Variants in SEC13 observed in about 807,000 individuals in gnomAD.
The protein encoded by SEC13 is protein SEC13 homolog.
SEC13 carries 25 observed loss-of-function variants against 49.2 expected under a neutral mutation model. The ratio of observed to expected loss-of-function variants is 0.51; its 90% confidence interval spans 0.37 to 0.71. SEC13 has a LOEUF of 0.71. SEC13 is among the 30% of genes least tolerant of loss of function. The probability of loss-of-function intolerance (pLI) is 0.00; values close to 1 mark genes in which losing one functional copy is unlikely to be tolerated. For synonymous variants in SEC13, 148 were observed against 163.9 expected, an observed-to-expected ratio of 0.90 and a Z score of 0.74; for missense variants, 383 against 417.6, an observed-to-expected ratio of 0.92 and a Z score of 0.72.
intron 1 of SEC13, among the ~76,000 whole-genome samples, chr3:10,319,819 GAAA>G (rs1559503376): frequency 4.0e-5 from 1 of 24,770 alleles, no homozygotes; most frequent in Non-Finnish European, 8.5e-5. Context: ...GGGGGGGGAG[GAAA>G]GAGGGAGGGG....
Position 10,305,614 on chromosome 3 carries a change from T to G in SEC13, c.529A>C (p.Asn177His). 1 of 1,614,148 alleles carries G rather than the reference T, an allele frequency of 6.2e-7. No homozygotes were observed. The highest frequency in any genetic ancestry group is 1.1e-5 in the South Asian group (1 of 91,082). The change falls in exon 6 of 9, where the codon AAT becomes CAT. Residue 177 changes from asparagine to histidine, a missense_variant. Coordinates refer to ENST00000350697, the MANE Select transcript of SEC13 (RefSeq NM_183352.3). ...LIDHPSGQKP[N>H]YIKRFASGGC... is the part of the protein sequence containing the mutation. ...CCTGATGCAAACCTCTTGATGTAAT[T>G]GGGTTTCTGCCCCGATGGGTGGTCT...
At chr3:10,311,844 C>G (rs1477609383) in intron 5 of SEC13, 121 bp downstream of exon 5, 32 of 1,587,934 alleles carry the variant, frequency 2.0e-5, no homozygotes, top group Non-Finnish European at 2.7e-5. Flanking sequence ...GTCTGGTCAG[C>G]TGACCACTCC....
chr3:10,320,772 G>A (rs1219953536), intron 1 of SEC13: 3 of 1,317,748 alleles, frequency 2.3e-6, no homozygotes, highest in Admixed American at 3.8e-5. Flanking sequence ...GCTGTTCCTC[G>A]TTTTGTTTTC....
At chr3:10,302,352 C>CA (rs1365978850) in intron 8 of SEC13, among the ~76,000 whole-genome samples, 7 of 152,356 alleles carry the variant, frequency 4.6e-5, no homozygotes, top group African/African-American at 1.7e-4. Flanking sequence ...ACAAACTATT[C>CA]ACTCAACACA....
rs150900659 is a variant in SEC13 at position 10,307,478 on chromosome 3, T to G, written c.451-1786A>C. 3.9e-5 allele frequency among the ~76,000 whole-genome samples: 6 copies of G among 152,258 alleles called. No homozygotes were observed. The East Asian group carries it at 1.2e-3, about 29-fold the overall frequency. On this transcript the variant is annotated intron_variant, in intron 5 of 8. Coordinates refer to ENST00000350697, the MANE Select transcript of SEC13 (RefSeq NM_183352.3). ...GTTTACAAAAAAAAGAGAGGTTTAA[T>G]GGACTTACAGCTCCATGTAGCTGGG... is the stretch of plus-strand genomic sequence containing the variant.
At chr3:10,319,285 T>A in intron 1 of SEC13, 1 of 1,597,896 alleles carries the variant, frequency 6.3e-7, no homozygotes, top group Non-Finnish European at 8.5e-7. Flanking sequence ...CTCATCAGAT[T>A]CTAGACTCTC....
At chr3:10,320,950 G>A in intron 1 of SEC13, 100 bp downstream of exon 1, 1 of 1,565,606 alleles carries the variant, frequency 6.4e-7, no homozygotes. Flanking sequence ...GGAGCTGAAC[G>A]GCTCCAGCTT....
intron 6 of SEC13, 162 bp downstream of exon 6, chr3:10,305,397 T>C: frequency 1.9e-6 from 2 of 1,075,890 alleles, no homozygotes; most frequent in Non-Finnish European, 2.7e-6. Context: ...AGGTGTTGTG[T>C]TGTTTTTCAA....
intron 5 of SEC13, among the ~76,000 whole-genome samples, chr3:10,306,934 C>T (rs573946451): frequency 2.4e-4 from 37 of 152,168 alleles, no homozygotes; most frequent in Admixed American, 7.9e-4. Context: ...TTGCCAGCAG[C>T]GAGAAAACAG....
intron 5 of SEC13, among the ~76,000 whole-genome samples, chr3:10,308,521 T>C (rs539000652): frequency 2.6e-4 from 39 of 152,370 alleles, no homozygotes; most frequent in Admixed American, 7.2e-4. Context: ...AAAGCTGCTA[T>C]AACCTTTTGT....
At chr3:10,312,758 A>AC in intron 3 of SEC13, 28 bp from the exon 4 acceptor site, 1 of 1,613,280 alleles carries the variant, frequency 6.2e-7, no homozygotes, top group East Asian at 2.2e-5. Context: ...GGCCAGAGGA[A>AC]CCCACAGTGC....
At chr3:10,319,801 G>GAA (rs2059735548) in intron 1 of SEC13, among the ~76,000 whole-genome samples, 1 of 2,448 alleles carries the variant, frequency 4.1e-4, no homozygotes, top group Non-Finnish European at 1.2e-3. Flanking sequence ...AGAGAAGGCG[G>GAA]GGGGGGGGGG....
chr3:10,311,611 AC>A (rs1308557594), intron 5 of SEC13: 1 of 1,075,748 alleles, frequency 9.3e-7, no homozygotes, highest in Non-Finnish European at 1.1e-6. Flanking sequence ...TGCATAGCTC[AC>A]ATACTTTTTA....
rs749031742 is a variant in SEC13, at chr3:10,301,190, G to C, written c.*71C>G. On this transcript the variant is annotated 3_prime_UTR_variant, in exon 9 of 9. Transcript: ENST00000350697. ...TTGGAGTTGGGGGCTCTTCCCAGTT[G>C]TCTGGTTAGTTGGCCCAGGAAGGGG... 6.2e-7 allele frequency: 1 copy of C among 1,614,012 alleles called. No homozygotes were observed. Among genetic ancestry groups the C allele is most frequent in the Non-Finnish European group, 8.5e-7 (1 of 1,179,888 alleles).
chr3:10,312,040 C>T lies in SEC13; in HGVS notation c.375G>A (p.Ser125=), dbSNP rs151098419. The change falls in exon 5 of 9, where the codon TCG becomes TCA. Residue 125 remains serine, a synonymous_variant. Coordinates refer to ENST00000350697, the MANE Select transcript of SEC13 (RefSeq NM_183352.3). ...DYGLILACGS[S]DGAISLLTYT... Reference sequence around the variant, plus strand: ...AAGTCAGCAGGGAGATGGCCCCATCCGAGCTCCCACAGGCCAGGATCAGGC... The same window carrying T: ...AAGTCAGCAGGGAGATGGCCCCATCTGAGCTCCCACAGGCCAGGATCAGGC... 3.8e-5 allele frequency: 61 copies of T among 1,613,634 alleles called. No homozygotes were observed. Among genetic ancestry groups the T allele is most frequent in the Non-Finnish European group, 4.7e-5 (56 of 1,179,872 alleles).
At chr3:10,316,711 G>T (rs2125282671) in intron 2 of SEC13, among the ~76,000 whole-genome samples, 1 of 152,232 alleles carries the variant, frequency 6.6e-6, no homozygotes, top group East Asian at 1.9e-4. Context: ...TGTTATGAAG[G>T]TTAAACAAGA....
intron 5 of SEC13, among the ~76,000 whole-genome samples, chr3:10,308,129 A>C (rs1468607239): frequency 6.6e-6 from 1 of 152,226 alleles, no homozygotes; most frequent in Non-Finnish European, 1.5e-5. Flanking sequence ...TGATTTGGTG[A>C]ATTTTGACAA....
intron 5 of SEC13, among the ~76,000 whole-genome samples, chr3:10,308,743 T>C (rs952725677): frequency 8.6e-5 from 13 of 151,898 alleles, no homozygotes; most frequent in Non-Finnish European, 8.8e-5. Flanking sequence ...CTTTAAAGTC[T>C]AATAATTTTA....
chr3:10,301,581 TG>T (rs1265247914), intron 8 of SEC13, among the ~76,000 whole-genome samples: 4 of 152,124 alleles, frequency 2.6e-5, no homozygotes, highest in Non-Finnish European at 5.9e-5. Context: ...ACAGCAGCTG[TG>T]GATGATGATG....
Sources: gnomAD v4.1 joint callset for allele counts (sites outside exome capture counted in the v4.1 genomes callset) on GRCh38, gnomAD v4.1.1 for gene constraint, MANE v1.5 for transcripts, NCBI Gene and HGNC (gene_info 2026-07-23, HGNC 2026-07-21) for gene names.